TBC1D12: variants seen among roughly 807,000 people sequenced by gnomAD.
TBC1D12 encodes TBC1 domain family, member 12.
In TBC1D12, 56 loss-of-function variants were observed where a neutral mutation model predicts 86.7. The ratio of observed to expected loss-of-function variants is 0.65; its 90% CI spans 0.52 to 0.81. The LOEUF (loss-of-function observed/expected upper bound fraction) is 0.81. Among genes scored for constraint, TBC1D12 ranks in the 30% least tolerant of loss-of-function variants. TBC1D12 has a pLI of 0.00. For missense variants in TBC1D12, 1,023 were observed against 1,038.8 expected (o/e 0.98, Z 0.21); for synonymous variants, 421 against 411.7 (o/e 1.02, Z -0.27).
chr10:94,423,781 G>A (rs2055111018), intron 1 of TBC1D12, among the ~76,000 whole-genome samples: 1 of 152,074 alleles, frequency 6.6e-6, no homozygotes, highest in Non-Finnish European at 1.5e-5. Context: ...CTGACTGAGG[G>A]CCCGGATCAT....
intron 3 of TBC1D12, among the ~76,000 whole-genome samples, chr10:94,475,106 C>T (rs949172271): frequency 3.3e-5 from 5 of 152,200 alleles, no homozygotes; most frequent in South Asian, 2.1e-4. Flanking sequence ...CTAAGACTTA[C>T]GCATATTTTC....
intron 9 of TBC1D12, among the ~76,000 whole-genome samples, chr10:94,512,270 T>A (rs768540650): frequency 4.2e-5 from 6 of 144,324 alleles, no homozygotes; most frequent in Non-Finnish European, 7.6e-5. Flanking sequence ...ATTCTTGTAG[T>A]CCTTGTGGGT....
intron 1 of TBC1D12, among the ~76,000 whole-genome samples, chr10:94,429,462 A>G (rs2055187744): frequency 6.6e-6 from 1 of 152,134 alleles, no homozygotes. Flanking sequence ...AGGCTTGTAA[A>G]GAATGTTAGT....
chr10:94,525,457 C>T (rs940959408), intron 11 of TBC1D12, among the ~76,000 whole-genome samples: 4 of 151,884 alleles, frequency 2.6e-5, no homozygotes, highest in East Asian at 1.9e-4. Flanking sequence ...ACTAAAAATA[C>T]GCCGGATGTG....
intron 3 of TBC1D12, among the ~76,000 whole-genome samples, chr10:94,476,897 C>T (rs1252611382): frequency 6.6e-6 from 1 of 152,110 alleles, no homozygotes; most frequent in East Asian, 1.9e-4. Flanking sequence ...AAGGATTAGG[C>T]TTTATCTTTT....
chr10:94,441,810 C>T, intron 1 of TBC1D12, 86 bp from the exon 2 acceptor site: 3 of 1,404,484 alleles, frequency 2.1e-6, no homozygotes, highest in Admixed American at 4.7e-5. Context: ...TTGTTTTTGC[C>T]TTGGGAACAA....
chr10:94,515,523 A>G (rs1320152057), intron 9 of TBC1D12, among the ~76,000 whole-genome samples: 1 of 150,722 alleles, frequency 6.6e-6, no homozygotes, highest in Non-Finnish European at 1.5e-5. Flanking sequence ...GATTTTTTGT[A>G]TTTTTAGTAG....
intron 9 of TBC1D12, among the ~76,000 whole-genome samples, chr10:94,516,710 T>C (rs962961044): frequency 6.6e-6 from 1 of 151,942 alleles, no homozygotes; most frequent in Non-Finnish European, 1.5e-5. Context: ...AGAATGATGG[T>C]TTAATTATCT....
intron 1 of TBC1D12, among the ~76,000 whole-genome samples, 161 bp downstream of exon 1, chr10:94,403,745 C>G (rs1283760698): frequency 6.6e-6 from 1 of 152,212 alleles, no homozygotes; most frequent in Admixed American, 6.5e-5. Context: ...TGATTTGTCA[C>G]TGGAGGAAGA....
chr10:94,515,260 A>T (rs2056577001), intron 9 of TBC1D12, among the ~76,000 whole-genome samples: 1 of 151,696 alleles, frequency 6.6e-6, no homozygotes, highest in Admixed American at 6.6e-5. Flanking sequence ...TCTTTTTGGT[A>T]ATAGCCATAT....
intron 4 of TBC1D12, 54 bp from the exon 5 acceptor site, chr10:94,497,001 A>G: frequency 9.4e-7 from 1 of 1,062,882 alleles, no homozygotes; most frequent in Non-Finnish European, 1.3e-6. Flanking sequence ...AATGGAGAAA[A>G]GGATTTTGAT....
At chr10:94,455,320 G>T (rs1040868546) in intron 2 of TBC1D12, among the ~76,000 whole-genome samples, 1 of 151,888 alleles carries the variant, frequency 6.6e-6, no homozygotes, top group Non-Finnish European at 1.5e-5. Context: ...TTGCATTTAT[G>T]TTTATAAGAG....
intron 1 of TBC1D12, among the ~76,000 whole-genome samples, chr10:94,416,326 C>T (rs952901135): frequency 3.3e-5 from 5 of 152,156 alleles, no homozygotes; most frequent in African/African-American, 7.2e-5. Context: ...TTTAGTCTTG[C>T]TTGAATTCTT....
intron 2 of TBC1D12, among the ~76,000 whole-genome samples, chr10:94,459,575 G>A (rs552926483): frequency 9.3e-4 from 142 of 152,312 alleles, no homozygotes; most frequent in African/African-American, 2.7e-3. Context: ...CTCGGGCCGC[G>A]CAGGAGCCCA....
chr10:94,450,901 A>G lies in TBC1D12; in HGVS notation c.1095+8882A>G, dbSNP rs540788885. ...ACTGGAGGACATTATGTTAAGTGAAATAAGCCAGAAATGGAAAGTTAAACA... is the reference window on the plus strand; with the variant it reads ...ACTGGAGGACATTATGTTAAGTGAAGTAAGCCAGAAATGGAAAGTTAAACA... On this transcript the variant is annotated intron_variant, in intron 2 of 12. Transcript: ENST00000225235. Among the ~76,000 whole-genome samples, 5 of 152,250 alleles carry G rather than the reference A, an allele frequency of 3.3e-5. No homozygotes were observed. The East Asian group carries it at 5.8e-4, about 18-fold the overall frequency.
At position 94,533,318 on chromosome 10, in the gene TBC1D12, G is replaced by A; in HGVS notation, c.*222G>A. 3.1e-6 allele frequency: 1 copy of A among 327,732 alleles called. No individual in the cohort carries two copies. Among genetic ancestry groups the A allele is most frequent in the Non-Finnish European group, 5.5e-6 (1 of 182,774 alleles). 20.3% of individuals were successfully genotyped at this position (327,732 alleles called of 1,614,324 possible). On this transcript the variant is annotated 3_prime_UTR_variant, in exon 13 of 13. Coordinates refer to ENST00000225235, the MANE Select transcript of TBC1D12 (RefSeq NM_015188.2). Reference sequence around the variant, plus strand: ...TTTGTAGGTAGAGTCATTTTTCAAAGGAAAAAGTTTAAGTGGTGAGTTTAT... The same window carrying A: ...TTTGTAGGTAGAGTCATTTTTCAAAAGAAAAAGTTTAAGTGGTGAGTTTAT...
intron 3 of TBC1D12, among the ~76,000 whole-genome samples, chr10:94,476,999 G>A (rs1429126328): frequency 1.3e-5 from 2 of 152,014 alleles, no homozygotes; most frequent in African/African-American, 2.4e-5. Context: ...TTGAAATAAT[G>A]TTCAATGGAA....
chr10:94,500,459 A>C (rs2056380666), intron 6 of TBC1D12, 132 bp downstream of exon 6: 2 of 562,902 alleles, frequency 3.6e-6, no homozygotes, highest in Admixed American at 7.6e-5. Context: ...AGCATGCTTC[A>C]TCCCCCTGTT....
chr10:94,452,873 G>A (rs1052742449), intron 2 of TBC1D12, among the ~76,000 whole-genome samples: 2 of 152,194 alleles, frequency 1.3e-5, no homozygotes, highest in Non-Finnish European at 2.9e-5. Flanking sequence ...CTTCCAAAGT[G>A]GTTGTACCAT....
Sources: gnomAD v4.1 joint callset for allele counts (sites outside exome capture counted in the v4.1 genomes callset) on GRCh38, gnomAD v4.1.1 for gene constraint, MANE v1.5 for transcripts, NCBI Gene and HGNC (gene_info 2026-07-23, HGNC 2026-07-21) for gene names.